TDRD3: variants seen among roughly 807,000 people sequenced by gnomAD.
TDRD3 encodes tudor domain containing 3, also known as tudor domain-containing protein 3.
In TDRD3, 45 loss-of-function variants were observed where a neutral mutation model predicts 86.7. The ratio of observed to expected loss-of-function variants is 0.52; its 90% CI spans 0.41 to 0.67. TDRD3 has a LOEUF of 0.67. Among genes scored for constraint, TDRD3 ranks in the 30% least tolerant of loss-of-function variants. The pLI is 0.00. For synonymous variants in TDRD3, 298 were observed against 301.7 expected (o/e 0.99, Z 0.13); for missense variants, 814 against 889.0 (o/e 0.92, Z 1.07).
intron 11 of TDRD3, among the ~76,000 whole-genome samples, chr13:60,532,449 G>A (rs1441825423): frequency 6.6e-6 from 1 of 152,148 alleles, no homozygotes; most frequent in Non-Finnish European, 1.5e-5. Flanking sequence ...ACCACAAATT[G>A]AAGAGGTGGC....
intron 4 of TDRD3, among the ~76,000 whole-genome samples, chr13:60,466,922 C>A (rs1566214667): frequency 1.3e-5 from 2 of 152,062 alleles, no homozygotes; most frequent in Non-Finnish European, 2.9e-5. Flanking sequence ...CTGATTAGGT[C>A]ATAATATAAG....
intron 1 of TDRD3, among the ~76,000 whole-genome samples, chr13:60,436,421 C>A: frequency 6.6e-6 from 1 of 152,084 alleles, no homozygotes; most frequent in South Asian, 2.1e-4. Context: ...AGATTTAAAT[C>A]TTTGATCCAT....
In TDRD3 at chr13:60,510,680, G is replaced by A; in HGVS notation, c.1066G>A (p.Gly356Arg). The part of the protein sequence containing the change: ...RIRSEDEEDL[G>R]NARPSAPSTL... Reference sequence around the variant, plus strand: ...AAGATCTGAAGATGAAGAGGACCTGGGAAATGCAAGGCCATCAGCACCAAG... The same window carrying A: ...AAGATCTGAAGATGAAGAGGACCTGAGAAATGCAAGGCCATCAGCACCAAG... Residue 356 changes from glycine (G) to arginine (R), a missense_variant, in exon 10 of 14, where the codon GGA becomes AGA. Physicochemically the swap from Gly to Arg is moderately radical, Grantham distance 125 (BLOSUM62 -2). Coordinates refer to ENST00000377881, the MANE Select transcript of TDRD3 (RefSeq NM_001146070.2). 6 of 1,606,524 alleles carry A rather than the reference G, an allele frequency of 3.7e-6. No individual in the cohort carries two copies. The highest frequency in any genetic ancestry group is 5.1e-6 in the Non-Finnish European group (6 of 1,176,424).
intron 12 of TDRD3, among the ~76,000 whole-genome samples, chr13:60,542,065 G>A (rs531267739): frequency 6.6e-6 from 1 of 152,052 alleles, no homozygotes; most frequent in African/African-American, 2.4e-5. Flanking sequence ...ATCGGTGAGA[G>A]CCACAACTGA....
chr13:60,440,112 T>C (rs1955223373), intron 2 of TDRD3, among the ~76,000 whole-genome samples: 1 of 152,316 alleles, frequency 6.6e-6, no homozygotes, highest in African/African-American at 2.4e-5. Flanking sequence ...TTAATTTACA[T>C]AGAAACTCTA....
chr13:60,458,525 T>A (rs1435645637), intron 3 of TDRD3, among the ~76,000 whole-genome samples: 1 of 152,110 alleles, frequency 6.6e-6, no homozygotes, highest in Non-Finnish European at 1.5e-5. Flanking sequence ...ATTGGTAAAG[T>A]TGGATTTTTT....
At chr13:60,557,876 T>C (rs1958238010) in intron 12 of TDRD3, among the ~76,000 whole-genome samples, 1 of 140,556 alleles carries the variant, frequency 7.1e-6, no homozygotes, top group Admixed American at 7.7e-5. Context: ...CAGGCTGGAG[T>C]GCAGTGTGCA....
rs754243716 is a variant in TDRD3 at position 60,469,419 on chromosome 13, A to AAC, written c.495+2054_495+2055dup. Among the ~76,000 whole-genome samples, 193 of 149,570 alleles carry AAC rather than the reference A, an allele frequency of 1.3e-3. 1 individual carries two copies. The highest frequency in any genetic ancestry group is 4.4e-3 in the African/African-American group (180 of 40,760). On this transcript the variant is annotated intron_variant, in intron 5 of 13. Coordinates refer to ENST00000377881, the MANE Select transcript of TDRD3 (RefSeq NM_001146070.2). Reference sequence around the variant, plus strand: ...AAACATTCCTAGTAACCTTCTCACCAACACACACACACACATACACACACA... The same window carrying AAC: ...AAACATTCCTAGTAACCTTCTCACCAACACACACACACACACATACACACACA...
intron 7 of TDRD3, 75 bp downstream of exon 7, chr13:60,486,023 C>G: frequency 7.1e-7 from 1 of 1,410,040 alleles, no homozygotes; most frequent in Non-Finnish European, 9.4e-7. Flanking sequence ...TCGTTATTGT[C>G]TTTTCATATA....
rs1052997989 is a variant in TDRD3 at position 60,548,442 on chromosome 13, A to C, written c.2118+13209A>C. 4.6e-5 allele frequency among the ~76,000 whole-genome samples: 7 copies of C among 152,216 alleles called. 1 individual carries two copies. Among genetic ancestry groups the C allele is most frequent in the Admixed American group, 3.9e-4 (6 of 15,272 alleles). ...CAATCTAAGAATGCTTGGTCTGACT[A>C]TCTGTAAATAATAGTAATAATAGCC... On this transcript the variant is annotated intron_variant, in intron 12 of 13. Coordinates refer to ENST00000377881, the MANE Select transcript of TDRD3 (RefSeq NM_001146070.2).
At chr13:60,534,503 C>G (rs963909394) in intron 11 of TDRD3, among the ~76,000 whole-genome samples, 3 of 152,130 alleles carry the variant, frequency 2.0e-5, no homozygotes, top group African/African-American at 7.2e-5. Context: ...TCTTGCCTGA[C>G]ATTCCTACTT....
At chr13:60,490,920 C>T (rs1956572051) in intron 7 of TDRD3, among the ~76,000 whole-genome samples, 1 of 151,880 alleles carries the variant, frequency 6.6e-6, no homozygotes, top group African/African-American at 2.4e-5. Flanking sequence ...GAGTTTGAGA[C>T]CAGCCTGACC....
chr13:60,447,629 A>C (rs894604160), intron 3 of TDRD3, among the ~76,000 whole-genome samples: 9 of 152,096 alleles, frequency 5.9e-5, no homozygotes, highest in Non-Finnish European at 1.3e-4. Flanking sequence ...GTAAATCATT[A>C]TTGTCTGGGT....
intron 12 of TDRD3, chr13:60,547,343 G>A: frequency 1.0e-6 from 1 of 985,324 alleles, no homozygotes; most frequent in Non-Finnish European, 1.2e-6. Context: ...TTGAGAGAAG[G>A]GGAGTGGGCA....
intron 12 of TDRD3, among the ~76,000 whole-genome samples, chr13:60,549,336 A>G (rs1162604779): frequency 6.6e-6 from 1 of 152,146 alleles, no homozygotes; most frequent in Non-Finnish European, 1.5e-5. Context: ...GGTTCTCATT[A>G]AGAACCTGCC....
chr13:60,484,000 T>G (rs542856694), intron 6 of TDRD3, among the ~76,000 whole-genome samples, 154 bp downstream of exon 6: 2 of 152,322 alleles, frequency 1.3e-5, no homozygotes, highest in African/African-American at 4.8e-5. Flanking sequence ...TTGAGGTTTT[T>G]TTCCTTCACT....
chr13:60,509,642 G>A, intron 8 of TDRD3, 121 bp from the exon 9 acceptor site: 1 of 1,227,974 alleles, frequency 8.1e-7, no homozygotes, highest in Non-Finnish European at 1.2e-6. Context: ...TGTTGTATTA[G>A]AATGACATTT....
intron 12 of TDRD3, among the ~76,000 whole-genome samples, chr13:60,544,379 G>A (rs1384746190): frequency 1.3e-5 from 2 of 148,988 alleles, no homozygotes; most frequent in Non-Finnish European, 3.0e-5. Flanking sequence ...AGGACTTCAA[G>A]CTTGCAGTGA....
At chr13:60,560,101 T>C (rs1446903338) in intron 12 of TDRD3, among the ~76,000 whole-genome samples, 1 of 152,030 alleles carries the variant, frequency 6.6e-6, no homozygotes, top group East Asian at 1.9e-4. Context: ...GATAGAAAAC[T>C]ATGTGAAGCA....
Sources: gnomAD v4.1 joint callset for allele counts (sites outside exome capture counted in the v4.1 genomes callset) on GRCh38, gnomAD v4.1.1 for gene constraint, MANE v1.5 for transcripts, NCBI Gene and HGNC (gene_info 2026-07-23, HGNC 2026-07-21) for gene names.